The following SLC35F3 variants were observed in gnomAD, a reference collection of about 807,000 sequenced individuals.
SLC35F3 encodes putative thiamine transporter SLC35F3.
SLC35F3 carries 25 observed loss-of-function variants against 49.9 expected under a neutral mutation model. That is an observed-to-expected ratio of 0.50 (90% CI 0.37 to 0.70). The LOEUF (loss-of-function observed/expected upper bound fraction) is 0.70. Among genes scored for constraint, SLC35F3 ranks in the 30% least tolerant of loss-of-function variants. SLC35F3 has a pLI of 0.00. For missense variants in SLC35F3, 525 were observed against 639.8 expected, an observed-to-expected ratio of 0.82 and a Z score of 1.94; for synonymous variants, 275 against 265.4, an observed-to-expected ratio of 1.04 and a Z score of -0.35.
chr1:234,197,133 AG>A (rs1666826059), intron 2 of SLC35F3, among the ~76,000 whole-genome samples: 1 of 152,210 alleles, frequency 6.6e-6, no homozygotes, highest in Non-Finnish European at 1.5e-5. Flanking sequence ...AGTTATAAAA[AG>A]TGATAAGGGG....
chr1:234,024,922 G>A (rs1663955086), intron 2 of SLC35F3, among the ~76,000 whole-genome samples: 1 of 152,118 alleles, frequency 6.6e-6, no homozygotes, highest in African/African-American at 2.4e-5. Context: ...CATCACCCAG[G>A]TAGTGAGCAT....
intron 2 of SLC35F3, among the ~76,000 whole-genome samples, chr1:233,982,278 G>A (rs1663198407): frequency 6.6e-6 from 1 of 152,150 alleles, no homozygotes; most frequent in Admixed American, 6.5e-5. Flanking sequence ...ACCCTCTTTG[G>A]TGAACTGTAC....
chr1:234,153,224 C>T (rs1427339435), intron 2 of SLC35F3, among the ~76,000 whole-genome samples: 3 of 152,158 alleles, frequency 2.0e-5, no homozygotes, highest in Non-Finnish European at 4.4e-5. Context: ...TAGAGAGACC[C>T]TAATAGTAAG....
intron 2 of SLC35F3, among the ~76,000 whole-genome samples, chr1:234,021,214 C>T (rs1280575075): frequency 6.6e-6 from 1 of 150,876 alleles, no homozygotes; most frequent in East Asian, 2.0e-4. Flanking sequence ...CAGGTCACTG[C>T]TGAGGCTAGC....
At chr1:234,145,471 A>G (rs1053507728) in intron 2 of SLC35F3, among the ~76,000 whole-genome samples, 3 of 151,820 alleles carry the variant, frequency 2.0e-5, no homozygotes, top group African/African-American at 4.8e-5. Context: ...GGTTCAGTCT[A>G]TTGCTTCTCT....
chr1:234,272,500 G>GT (rs1278030404), intron 3 of SLC35F3: 1 of 152,172 alleles, frequency 6.6e-6, no homozygotes, highest in African/African-American at 2.4e-5. Flanking sequence ...GGATTGTGGG[G>GT]TGAGGGTAGG....
At chr1:233,921,210 C>T (rs1299841723) in intron 2 of SLC35F3, among the ~76,000 whole-genome samples, 1 of 152,196 alleles carries the variant, frequency 6.6e-6, no homozygotes, top group African/African-American at 2.4e-5. Flanking sequence ...TAATAGAACA[C>T]TATGTAATTT....
At position 234,252,692 on chromosome 1, in the gene SLC35F3, A is replaced by G. The variant is rs75425209; in HGVS notation, c.608+20951A>G. Among the ~76,000 whole-genome samples, 152 of 152,338 alleles carry G rather than the reference A, an allele frequency of 1.0e-3. 1 individual carries two copies. Among genetic ancestry groups the G allele is most frequent in the African/African-American group, 3.5e-3 (146 of 41,576 alleles). ...TTTTATCTGTCAAATTAACAAATAA[A>G]TTTTAAAAAGGAGACTTGATAATAT... is the stretch of plus-strand genomic sequence containing the variant. On this transcript the variant is annotated intron_variant, in intron 3 of 7. Transcript: ENST00000366618.
intron 2 of SLC35F3, among the ~76,000 whole-genome samples, chr1:234,039,127 A>G (rs1263593094): frequency 2.0e-5 from 3 of 152,212 alleles, no homozygotes; most frequent in East Asian, 1.9e-4. Context: ...TTTAGAAGGT[A>G]TTCGAAGCTC....
chr1:234,241,507 G>A (rs1437273970), intron 3 of SLC35F3, among the ~76,000 whole-genome samples: 4 of 152,206 alleles, frequency 2.6e-5, no homozygotes, highest in South Asian at 2.1e-4. Flanking sequence ...AGGCAGAGGC[G>A]GGTGGATCAC....
chr1:234,285,150 G>C, intron 3 of SLC35F3: 1 of 293,954 alleles, frequency 3.4e-6, no homozygotes, highest in Non-Finnish European at 6.6e-6. Flanking sequence ...TGACAAAATG[G>C]TAGGAAAATA....
intron 3 of SLC35F3, among the ~76,000 whole-genome samples, chr1:234,238,052 C>T (rs927429776): frequency 3.3e-5 from 5 of 152,184 alleles, no homozygotes; most frequent in African/African-American, 1.2e-4. Flanking sequence ...TGATGAGCTA[C>T]ATTCATAACT....
At chr1:233,920,920 T>C (rs1662048276) in intron 2 of SLC35F3, among the ~76,000 whole-genome samples, 1 of 152,224 alleles carries the variant, frequency 6.6e-6, no homozygotes, top group Non-Finnish European at 1.5e-5. Flanking sequence ...CTTTCCCTGA[T>C]TGAGCTCCTG....
At chr1:234,169,418 C>T (rs1241593757) in intron 2 of SLC35F3, among the ~76,000 whole-genome samples, 2 of 152,186 alleles carry the variant, frequency 1.3e-5, no homozygotes, top group Non-Finnish European at 2.9e-5. Flanking sequence ...TGGTTAGCAA[C>T]ATGACAAGGA....
At chr1:234,172,887 C>T (rs1427703089) in intron 2 of SLC35F3, among the ~76,000 whole-genome samples, 1 of 152,190 alleles carries the variant, frequency 6.6e-6, no homozygotes, top group African/African-American at 2.4e-5. Flanking sequence ...CAGTGCGTGG[C>T]TGTGATTTTC....
chr1:234,092,761 G>A (rs764909771), intron 2 of SLC35F3, among the ~76,000 whole-genome samples: 4 of 152,130 alleles, frequency 2.6e-5, no homozygotes, highest in South Asian at 2.1e-4. Flanking sequence ...CCAGCTACTC[G>A]GGAAGCTGAG....
At chr1:233,908,536 CTTTTTTTTTTT>C (rs898041195) in intron 2 of SLC35F3, among the ~76,000 whole-genome samples, 2 of 84,880 alleles carry the variant, frequency 2.4e-5, no homozygotes, top group South Asian at 4.6e-4. Flanking sequence ...GTAAAGGATT[CTTTTTTTTTTT>C]TTTTTTTTTT....
chr1:233,958,388 G>T (rs998649862), intron 2 of SLC35F3, among the ~76,000 whole-genome samples: 7 of 152,180 alleles, frequency 4.6e-5, no homozygotes, highest in Admixed American at 6.5e-5. Flanking sequence ...CTAGCAAGAG[G>T]TGTTGCTGGA....
intron 2 of SLC35F3, among the ~76,000 whole-genome samples, chr1:234,116,780 C>T (rs150179222): frequency 6.6e-6 from 1 of 152,222 alleles, no homozygotes; most frequent in South Asian, 2.1e-4. Context: ...TCCCAAAGTG[C>T]TGGGATTACA....
Sources: gnomAD v4.1 joint callset for allele counts (sites outside exome capture counted in the v4.1 genomes callset) on GRCh38, gnomAD v4.1.1 for gene constraint, MANE v1.5 for transcripts, NCBI Gene and HGNC (gene_info 2026-07-23, HGNC 2026-07-21) for gene names.